Variants in TRAF3 observed in about 807,000 individuals in gnomAD.
The protein encoded by TRAF3 is TNF receptor associated factor 3, also known as TNF receptor-associated factor 3.
TRAF3 carries 13 observed loss-of-function variants against 62.3 expected under a neutral mutation model. That is an observed-to-expected ratio of 0.21 (90% confidence interval 0.14 to 0.33). The LOEUF (loss-of-function observed/expected upper bound fraction) is 0.33. Among genes scored for constraint, TRAF3 ranks in the 10% least tolerant of loss-of-function variants. The probability of loss-of-function intolerance (pLI) is 1.00; values close to 1 mark genes in which losing one functional copy is unlikely to be tolerated. For synonymous variants in TRAF3, 269 were observed against 283.4 expected, an observed-to-expected ratio of 0.95 and a Z score of 0.51; for missense variants, 440 against 741.8, an observed-to-expected ratio of 0.59 and a Z score of 4.73.
chr14:102,784,215 CTTTTTTTTTTTTTTTT>C (rs76663820), intron 1 of TRAF3, among the ~76,000 whole-genome samples: 167 of 117,518 alleles, frequency 1.4e-3, no homozygotes, highest in South Asian at 1.9e-3. Context: ...GATGCTTGGC[CTTTTTTTTTTTTTTTT>C]TTTTTTTTTT....
At chr14:102,855,624 C>T (rs1017854556) in intron 2 of TRAF3, among the ~76,000 whole-genome samples, 1 of 151,920 alleles carries the variant, frequency 6.6e-6, no homozygotes, top group African/African-American at 2.4e-5. Flanking sequence ...GGTGAAACCC[C>T]ATCTCTACTA....
At chr14:102,802,555 G>A (rs1898507553) in intron 1 of TRAF3, among the ~76,000 whole-genome samples, 2 of 150,836 alleles carry the variant, frequency 1.3e-5, no homozygotes, top group South Asian at 2.1e-4. Context: ...GAGGCTGGGC[G>A]CGGTGGCTCA....
chr14:102,898,193 C>T (rs1299345948), intron 10 of TRAF3, among the ~76,000 whole-genome samples: 3 of 152,138 alleles, frequency 2.0e-5, no homozygotes, highest in African/African-American at 7.2e-5. Flanking sequence ...GCCTTTTCTC[C>T]AATTTTTGAC....
At chr14:102,792,366 G>A (rs140124707) in intron 1 of TRAF3, among the ~76,000 whole-genome samples, 2 of 151,278 alleles carry the variant, frequency 1.3e-5, no homozygotes, top group African/African-American at 4.9e-5. Context: ...ACCTTGAGCA[G>A]TTCTCCTGCC....
intron 2 of TRAF3, among the ~76,000 whole-genome samples, chr14:102,836,520 T>C (rs1886017024): frequency 6.6e-6 from 1 of 152,204 alleles, no homozygotes; most frequent in South Asian, 2.1e-4. Context: ...TTGCAGAATA[T>C]AGTTTATTTG....
intron 3 of TRAF3, among the ~76,000 whole-genome samples, chr14:102,871,071 G>A (rs1471454558): frequency 6.6e-6 from 1 of 152,234 alleles, no homozygotes; most frequent in Non-Finnish European, 1.5e-5. Flanking sequence ...CATTGTGCTG[G>A]GTGCTGGGGT....
At chr14:102,807,506 C>A (rs192636070) in intron 1 of TRAF3, among the ~76,000 whole-genome samples, 2 of 152,170 alleles carry the variant, frequency 1.3e-5, no homozygotes, top group African/African-American at 4.8e-5. Flanking sequence ...CTGCCCAGGC[C>A]GGTCTTGGTC....
intron 6 of TRAF3, among the ~76,000 whole-genome samples, chr14:102,882,203 A>G (rs563121523): frequency 2.2e-4 from 33 of 152,364 alleles, no homozygotes; most frequent in African/African-American, 7.9e-4. Flanking sequence ...TTTGTCAACT[A>G]AAGACAAGGG....
intron 1 of TRAF3, among the ~76,000 whole-genome samples, chr14:102,781,427 C>T (rs1897267883): frequency 6.6e-6 from 1 of 152,128 alleles, no homozygotes; most frequent in African/African-American, 2.4e-5. Context: ...ACCTGGGTGG[C>T]ACCACTTTGC....
intron 2 of TRAF3, among the ~76,000 whole-genome samples, chr14:102,844,817 G>C (rs567878604): frequency 3.2e-4 from 48 of 152,006 alleles, no homozygotes; most frequent in Non-Finnish European, 6.3e-4. Context: ...GAGGCGGGAG[G>C]GTTGCTTGAG....
chr14:102,892,223 A>G (rs1307682627), intron 9 of TRAF3, among the ~76,000 whole-genome samples: 3 of 151,944 alleles, frequency 2.0e-5, no homozygotes, highest in African/African-American at 7.3e-5. Flanking sequence ...ACACCCAGCT[A>G]ATTTTTGTAT....
Position 102,791,958 on chromosome 14 carries a change from A to G in TRAF3, c.-157+14283A>G, listed in dbSNP as rs535781493. Reference sequence around the variant, plus strand: ...CTCCTGAGTAGGTGGGACCAAAGGCACATGCCACAATGCCCTGCTGTTTTT... The same window carrying G: ...CTCCTGAGTAGGTGGGACCAAAGGCGCATGCCACAATGCCCTGCTGTTTTT... On this transcript the variant is annotated intron_variant, in intron 1 of 11. Transcript: ENST00000392745. Among the ~76,000 whole-genome samples the G allele has an allele frequency of 1.1e-3, 172 of 151,426 alleles. 1 individual carries two copies. Among genetic ancestry groups the G allele is most frequent in the African/African-American group, 3.9e-3 (162 of 41,312 alleles).
rs564642528 is a variant in TRAF3 at position 102,834,862 on chromosome 14, CAAAAAGCAATTGCAA to C, written c.-18+4391_-18+4405del. Among the ~76,000 whole-genome samples the C allele has an allele frequency of 4.4e-3, 668 of 152,154 alleles. 7 individuals are homozygous for C. Among genetic ancestry groups the C allele is most frequent in the African/African-American group, 0.016 (653 of 41,520 alleles). On this transcript the variant is annotated intron_variant, in intron 2 of 11. Transcript: ENST00000392745. ...TGACAAAGGTTTCATGAAGAAAACA[CAAAAAGCAATTGCAA>C]CAAAAGCAAAAATTGACAAATGGGA...
chr14:102,888,703 A>G (rs1889544946), intron 7 of TRAF3, among the ~76,000 whole-genome samples: 1 of 152,224 alleles, frequency 6.6e-6, no homozygotes, highest in Non-Finnish European at 1.5e-5. Flanking sequence ...AATTTCTTCA[A>G]TAAAAGACAA....
At chr14:102,821,845 C>A (rs1224030111) in intron 1 of TRAF3, among the ~76,000 whole-genome samples, 1 of 152,162 alleles carries the variant, frequency 6.6e-6, no homozygotes, top group Non-Finnish European at 1.5e-5. Flanking sequence ...AGTTCGAGAC[C>A]AGCCTGGCCA....
intron 10 of TRAF3, among the ~76,000 whole-genome samples, chr14:102,902,676 G>A (rs1342500137): frequency 6.6e-6 from 1 of 152,210 alleles, no homozygotes; most frequent in African/African-American, 2.4e-5. Flanking sequence ...GTCCATGGGA[G>A]CCTTGTGGCC....
intron 1 of TRAF3, among the ~76,000 whole-genome samples, chr14:102,823,226 G>C (rs992375659): frequency 6.6e-6 from 1 of 152,024 alleles, no homozygotes; most frequent in African/African-American, 2.4e-5. Context: ...TTATGCATAG[G>C]CTTATTTTCG....
intron 2 of TRAF3, among the ~76,000 whole-genome samples, chr14:102,848,950 G>T (rs1421002812): frequency 2.0e-5 from 3 of 152,114 alleles, no homozygotes; most frequent in Non-Finnish European, 4.4e-5. Context: ...CAGTGTTGTT[G>T]TTGTTGTTTT....
intron 2 of TRAF3, among the ~76,000 whole-genome samples, chr14:102,841,056 C>T (rs527599373): frequency 5.2e-4 from 79 of 152,260 alleles, no homozygotes; most frequent in African/African-American, 1.8e-3. Context: ...TGGACGTGGA[C>T]GCATTACAAT....
Sources: allele counts gnomAD v4.1 joint callset (sites outside exome capture counted in the v4.1 genomes callset), GRCh38; gene constraint gnomAD v4.1.1; transcripts MANE v1.5; gene names NCBI Gene and HGNC (gene_info 2026-07-23, HGNC 2026-07-21).